Variants in DNAAF6 observed in about 807,000 individuals in gnomAD.
DNAAF6 encodes the protein PIH1 domain containing 3.
Under a neutral mutation model 13.7 loss-of-function variants are expected in DNAAF6, and 3 were observed. That is an observed-to-expected ratio of 0.22 (90% CI 0.10 to 0.56). The LOEUF (loss-of-function observed/expected upper bound fraction) is 0.56, where lower values mean the gene tolerates loss of function less well. Among genes scored for constraint, DNAAF6 ranks in the 20% least tolerant of loss-of-function variants. The pLI is 0.92. For synonymous variants in DNAAF6, 54 were observed against 49.2 expected (o/e 1.10, Z -0.41); for missense variants, 130 against 151.0 (o/e 0.86, Z 0.73).
chrX:107,238,356 T>C (rs1447119711), intron 5 of DNAAF6, among the ~76,000 whole-genome samples: 3 of 111,067 alleles, frequency 2.7e-5, no homozygotes. Flanking sequence ...GATGAAACAT[T>C]TAAAGTGAAA....
At chrX:107,210,908 T>C (rs748527015) in intron 1 of DNAAF6, among the ~76,000 whole-genome samples, 17 of 111,582 alleles carry the variant, frequency 1.5e-4, no homozygotes, top group African/African-American at 5.5e-4. Flanking sequence ...TGGGACTATA[T>C]CCTGAAGGAC....
intron 6 of DNAAF6, among the ~76,000 whole-genome samples, chrX:107,241,281 T>C (rs1416734287): frequency 8.9e-6 from 1 of 112,026 alleles, no homozygotes; most frequent in Non-Finnish European, 1.9e-5. Flanking sequence ...TTTTTGTATT[T>C]ACATTCATGT....
intron 1 of DNAAF6, among the ~76,000 whole-genome samples, chrX:107,210,371 C>T (rs1015403961): frequency 9.0e-6 from 1 of 111,361 alleles, no homozygotes; most frequent in Non-Finnish European, 1.9e-5. Flanking sequence ...ACATTTTAGG[C>T]AGTGTGGCTC....
intron 1 of DNAAF6, among the ~76,000 whole-genome samples, chrX:107,211,954 G>C (rs186640499): frequency 3.6e-5 from 4 of 111,944 alleles, no homozygotes; most frequent in South Asian, 3.7e-4. Flanking sequence ...ATTTACATCA[G>C]TGTATAACCT....
chrX:107,243,427 C>T lies in DNAAF6; in HGVS notation c.*129C>T. 4 of 872,355 alleles carry T rather than the reference C, an allele frequency of 4.6e-6. No homozygotes were observed. Among genetic ancestry groups the T allele is most frequent in the Non-Finnish European group, 6.2e-6 (4 of 644,571 alleles). 71.9% of individuals were successfully genotyped at this position (872,355 alleles called of 1,213,427 possible). A position where few individuals can be genotyped will look rare whatever the true frequency, so the allele number is the denominator to read the frequency against. On this transcript the variant is annotated 3_prime_UTR_variant, in exon 7 of 7. Coordinates refer to ENST00000372453, the MANE Select transcript of DNAAF6 (RefSeq NM_173494.2). ...TTTTTGAAAGGGACAAAATTCAGTT[C>T]TAGTGATATTGTGACCATTTACAGT... is the stretch of plus-strand genomic sequence containing the variant.
In DNAAF6 at chrX:107,216,748, G is replaced by A. The variant is rs1927998212; in HGVS notation, c.226+5G>A. ...CCCAAATAGAAGAGCTCAAAGGTAA[G>A]TTATTTAACAAAGCAATATAGATCA... On this transcript the variant is annotated splice_donor_5th_base_variant and intron_variant, in intron 3 of 6. Coordinates refer to ENST00000372453, the MANE Select transcript of DNAAF6 (RefSeq NM_173494.2). 2.6e-6 allele frequency: 3 copies of A among 1,165,964 alleles called. No homozygotes were observed. The highest frequency in any genetic ancestry group is 1.2e-6 in the Non-Finnish European group (1 of 858,875).
chrX:107,221,280 T>G (rs1007411932), intron 4 of DNAAF6, among the ~76,000 whole-genome samples: 3 of 110,140 alleles, frequency 2.7e-5, no homozygotes, highest in Non-Finnish European at 5.7e-5. Flanking sequence ...CAACCAAATT[T>G]GTTTTTTTTC....
At chrX:107,210,432 T>G (rs1323983429) in intron 1 of DNAAF6, among the ~76,000 whole-genome samples, 2 of 110,424 alleles carry the variant, frequency 1.8e-5, no homozygotes, top group Non-Finnish European at 3.8e-5. Flanking sequence ...TATTTATTTA[T>G]TTTTGAAACA....
At chrX:107,217,615 T>C (rs748311771) in intron 3 of DNAAF6, among the ~76,000 whole-genome samples, 3 of 112,550 alleles carry the variant, frequency 2.7e-5, no homozygotes, top group Admixed American at 1.9e-4. Flanking sequence ...TTTTGAGCTA[T>C]ACATTTTTAC....
In DNAAF6 at chrX:107,212,890, T is replaced by C. The variant is rs1404552786; in HGVS notation, c.15T>C (p.Asn5=). The change falls in exon 2 of 7, where the codon AAT becomes AAC. Residue 5 remains asparagine (N), a synonymous_variant. Coordinates refer to ENST00000372453, the MANE Select transcript of DNAAF6 (RefSeq NM_173494.2). The stretch of plus-strand genomic sequence containing the variant: ...TTCTTCAGATAATGGAATCTGAAAA[T>C]ATGGATTCTGAAAATATGAAGACAG... MESE[N]MDSENMKTEN... 2 of 1,191,122 alleles carry C rather than the reference T, an allele frequency of 1.7e-6. No individual in the cohort carries two copies. Among genetic ancestry groups the C allele is most frequent in the Admixed American group, 4.8e-5 (2 of 41,795 alleles).
intron 3 of DNAAF6, 21 bp downstream of exon 3, chrX:107,216,764 A>G: frequency 9.5e-7 from 1 of 1,053,384 alleles, no homozygotes; most frequent in Non-Finnish European, 1.3e-6. Context: ...TAACAAAGCA[A>G]TATAGATCAA....
At chrX:107,216,775 T>C (rs370405049) in intron 3 of DNAAF6, 32 bp downstream of exon 3, 1 of 1,029,093 alleles carries the variant, frequency 9.7e-7, no homozygotes, top group Non-Finnish European at 1.3e-6. Flanking sequence ...TATAGATCAA[T>C]ATAATCTTTT....
intron 5 of DNAAF6, among the ~76,000 whole-genome samples, chrX:107,227,831 G>T (rs777133057): frequency 7.2e-5 from 8 of 110,935 alleles, no homozygotes; most frequent in Non-Finnish European, 1.5e-4. Flanking sequence ...AATTAGTAGA[G>T]TTGATGATAA....
chrX:107,213,027 A>G lies in DNAAF6; in HGVS notation c.152A>G (p.Gln51Arg). The change falls in exon 2 of 7, where the codon CAG (glutamine) becomes CGG (arginine). Residue 51 changes from glutamine (Q) to arginine (R), a missense_variant and splice_region_variant. Physicochemically the swap from Gln to Arg is conservative, Grantham distance 43. Coordinates refer to ENST00000372453, the MANE Select transcript of DNAAF6 (RefSeq NM_173494.2). ...GAAGAGGATGATTCTGACTATGGAC[A>G]GGTGGTCATATACTTAACAGTTGAA... Reference protein sequence around the residue: ...PEEEDDSDYGQTNGLSTIGAM... With the variant: ...PEEEDDSDYGRTNGLSTIGAM... 8.4e-7 allele frequency: 1 copy of G among 1,189,231 alleles called. No homozygotes were observed. Among genetic ancestry groups the G allele is most frequent in the Non-Finnish European group, 1.1e-6 (1 of 886,719 alleles).
At chrX:107,207,759 T>A (rs1927744939) in intron 1 of DNAAF6, among the ~76,000 whole-genome samples, 1 of 110,635 alleles carries the variant, frequency 9.0e-6, no homozygotes, top group African/African-American at 3.3e-5. Context: ...TGGCGAAACC[T>A]GGTCTCCACT....
chrX:107,208,942 T>C (rs1353722759), intron 1 of DNAAF6, among the ~76,000 whole-genome samples: 1 of 112,355 alleles, frequency 8.9e-6, no homozygotes, highest in Admixed American at 9.5e-5. Context: ...CTTAAATATA[T>C]TTTAAATTTG....
chrX:107,229,839 C>G (rs1346471993), intron 5 of DNAAF6, among the ~76,000 whole-genome samples: 2 of 110,408 alleles, frequency 1.8e-5, no homozygotes, highest in African/African-American at 3.3e-5. Context: ...AGGCGCCCCC[C>G]ACCACGCCCG....
chrX:107,240,065 T>C (rs1030400160), intron 6 of DNAAF6, among the ~76,000 whole-genome samples: 2 of 112,288 alleles, frequency 1.8e-5, no homozygotes, highest in Non-Finnish European at 3.8e-5. Flanking sequence ...TGTGAGACTT[T>C]CATTTAGTGG....
At chrX:107,220,536 T>C (rs1602681370) in intron 4 of DNAAF6, among the ~76,000 whole-genome samples, 1 of 112,084 alleles carries the variant, frequency 8.9e-6, no homozygotes, top group Admixed American at 9.4e-5. Flanking sequence ...TTTATAAGAT[T>C]TTAAAAATCT....
Sources: gnomAD v4.1 joint callset for allele counts (sites outside exome capture counted in the v4.1 genomes callset) on GRCh38, gnomAD v4.1.1 for gene constraint, MANE v1.5 for transcripts, NCBI Gene and HGNC (gene_info 2026-07-23, HGNC 2026-07-21) for gene names.